SOX5: variants seen among roughly 807,000 people sequenced by gnomAD.
SOX5 encodes SRY-box transcription factor 5.
Under a neutral mutation model 92.0 loss-of-function variants are expected in SOX5, and 9 were observed. The observed-to-expected ratio is 0.10, with a 90% CI of 0.06 to 0.17. The LOEUF (loss-of-function observed/expected upper bound fraction) is 0.17. SOX5 is among the 10% of genes least tolerant of loss of function. The pLI is 1.00. For synonymous variants in SOX5, 344 were observed against 336.3 expected (o/e 1.02, Z -0.25); for missense variants, 642 against 944.5 (o/e 0.68, Z 4.20).
At chr12:24,168,371 T>G (rs1324154659) in intron 4 of SOX5, among the ~76,000 whole-genome samples, 1 of 152,234 alleles carries the variant, frequency 6.6e-6, no homozygotes, top group Non-Finnish European at 1.5e-5. Flanking sequence ...GGTTTATTTA[T>G]TTGCTTTTTA....
chr12:24,267,203 G>T (rs1047177825), intron 3 of SOX5, among the ~76,000 whole-genome samples: 6 of 152,112 alleles, frequency 3.9e-5, no homozygotes, highest in Non-Finnish European at 7.3e-5. Flanking sequence ...TCCAGCCTGG[G>T]CAACGGAGCA....
At chr12:24,419,223 G>A (rs1167271757) in intron 1 of SOX5, among the ~76,000 whole-genome samples, 5 of 151,914 alleles carry the variant, frequency 3.3e-5, no homozygotes, top group Non-Finnish European at 4.4e-5. Context: ...CCACCTCCTC[G>A]GTTAAGCAAC....
intron 2 of SOX5, among the ~76,000 whole-genome samples, chr12:23,891,717 A>G (rs2097131460): frequency 6.6e-6 from 1 of 152,210 alleles, no homozygotes; most frequent in Admixed American, 6.5e-5. Flanking sequence ...CAGAAATAAA[A>G]GAACCTATTT....
chr12:24,536,293 A>G (rs1226155397), intron 1 of SOX5, among the ~76,000 whole-genome samples: 1 of 152,236 alleles, frequency 6.6e-6, no homozygotes, highest in African/African-American at 2.4e-5. Context: ...GGATCAGCAC[A>G]GCATGGGGAA....
At chr12:24,259,999 C>A (rs1363642331) in intron 3 of SOX5, among the ~76,000 whole-genome samples, 1 of 152,022 alleles carries the variant, frequency 6.6e-6, no homozygotes, top group Non-Finnish European at 1.5e-5. Context: ...AAGAAAAAAA[C>A]CCAAATAGAA....
Position 23,731,853 on chromosome 12 carries a change from G to A in SOX5, c.810+2831C>T, listed in dbSNP as rs183862681. Among the ~76,000 whole-genome samples the A allele has an allele frequency of 7.2e-5, 11 of 152,160 alleles. No individual in the cohort carries two copies. The East Asian group carries it at 7.7e-4, about 11-fold the overall frequency. On this transcript the variant is annotated intron_variant, in intron 6 of 14. Coordinates refer to ENST00000451604, the MANE Select transcript of SOX5 (RefSeq NM_006940.6). The stretch of plus-strand genomic sequence containing the variant: ...AGTCTACTACTCCATCAATATACGC[G>A]TTGTTTTCTAAGGTCTGGAACAACA...
At position 24,442,281 on chromosome 12, in the gene SOX5, T is replaced by G. The variant is rs146313693; in HGVS notation, c.-250-73642A>C. On this transcript the variant is annotated intron_variant, in intron 1 of 4. Transcript: ENST00000446891. Reference sequence around the variant, plus strand: ...TCCATGTAGATTATGTCCTCTTATCTTATTTGCACTCATTTATTCAACAAA... The same window carrying G: ...TCCATGTAGATTATGTCCTCTTATCGTATTTGCACTCATTTATTCAACAAA... 2.8e-3 allele frequency among the ~76,000 whole-genome samples: 429 copies of G among 152,344 alleles called. 2 individuals carry two copies. Among genetic ancestry groups the G allele is most frequent in the African/African-American group, 9.9e-3 (410 of 41,574 alleles).
At chr12:23,972,503 G>A (rs904229549) in intron 4 of SOX5, among the ~76,000 whole-genome samples, 5 of 148,654 alleles carry the variant, frequency 3.4e-5, no homozygotes, top group Non-Finnish European at 4.5e-5. Context: ...GATTACAGGC[G>A]CCCACCACTA....
chr12:23,822,159 C>T (rs550482300), intron 3 of SOX5, among the ~76,000 whole-genome samples: 17 of 151,858 alleles, frequency 1.1e-4, no homozygotes, highest in South Asian at 4.2e-4. Flanking sequence ...TCTTGTCTTC[C>T]GCTAGCTTTT....
intron 1 of SOX5, among the ~76,000 whole-genome samples, chr12:24,433,409 G>A (rs1432395610): frequency 1.3e-5 from 2 of 152,196 alleles, no homozygotes; most frequent in African/African-American, 4.8e-5. Context: ...GACAAAAATT[G>A]TGGAAGTTAA....
At chr12:23,872,090 C>T (rs559326510) in intron 2 of SOX5, among the ~76,000 whole-genome samples, 15 of 150,354 alleles carry the variant, frequency 1.0e-4, no homozygotes, top group South Asian at 4.2e-4. Flanking sequence ...CTCCGCCTCC[C>T]GGGTTCACGC....
intron 4 of SOX5, among the ~76,000 whole-genome samples, chr12:24,177,469 C>T (rs1171347366): frequency 1.3e-5 from 2 of 152,136 alleles, no homozygotes; most frequent in Non-Finnish European, 2.9e-5. Context: ...ATCATAGGAG[C>T]CTGAGTGCCA....
intron 1 of SOX5, among the ~76,000 whole-genome samples, chr12:24,517,633 C>A (rs187079100): frequency 1.2e-4 from 18 of 152,046 alleles, no homozygotes; most frequent in Admixed American, 4.6e-4. Flanking sequence ...GGATGTTTAA[C>A]CCTGACCAAA....
At chr12:23,932,171 T>C (rs755708893) in intron 1 of SOX5, among the ~76,000 whole-genome samples, 9 of 151,584 alleles carry the variant, frequency 5.9e-5, no homozygotes, top group Non-Finnish European at 1.3e-4. Flanking sequence ...GATGGTCCAA[T>C]ACCTGTCTTA....
intron 7 of SOX5, among the ~76,000 whole-genome samples, chr12:23,649,702 C>T (rs942013659): frequency 2.0e-5 from 3 of 152,036 alleles, no homozygotes; most frequent in African/African-American, 4.8e-5. Flanking sequence ...ACAAATGATA[C>T]GGCTTATATT....
chr12:24,067,152 G>C (rs564254572), intron 4 of SOX5, among the ~76,000 whole-genome samples: 2 of 152,304 alleles, frequency 1.3e-5, no homozygotes, highest in Admixed American at 1.3e-4. Context: ...CATTTGGTCA[G>C]TTTGGGGTTT....
intron 1 of SOX5, among the ~76,000 whole-genome samples, chr12:23,947,610 T>A (rs1031505299): frequency 2.0e-5 from 3 of 151,860 alleles, no homozygotes; most frequent in African/African-American, 7.2e-5. Context: ...TTTTAGCTAC[T>A]AATATTTCTA....
chr12:23,640,498 GTTC>G (rs2079909538), intron 8 of SOX5, among the ~76,000 whole-genome samples: 1 of 152,046 alleles, frequency 6.6e-6, no homozygotes, highest in Non-Finnish European at 1.5e-5. Context: ...AGGGTTTTTT[GTTC>G]TTTTTACCTT....
rs906128294 is a variant in SOX5 at position 24,182,167 on chromosome 12, A to G, written c.-2+31176T>C. Among the ~76,000 whole-genome samples, 60 of 152,230 alleles carry G rather than the reference A, an allele frequency of 3.9e-4. 1 individual carries two copies. Among genetic ancestry groups the G allele is most frequent in the Admixed American group, 3.8e-3 (58 of 15,270 alleles). The stretch of plus-strand genomic sequence containing the variant: ...TTAGAGGATGACAAGAGAAGGTGAT[A>G]GTGAATAAATACTTTCCAAAAGGAC... On this transcript the variant is annotated intron_variant, in intron 4 of 4. Coordinates refer to the SOX5 transcript ENST00000446891.
Sources: gnomAD v4.1 joint callset for allele counts (sites outside exome capture counted in the v4.1 genomes callset) on GRCh38, gnomAD v4.1.1 for gene constraint, MANE v1.5 for transcripts, NCBI Gene and HGNC (gene_info 2026-07-23, HGNC 2026-07-21) for gene names.